The following CREB5 variants were observed in gnomAD, a reference collection of about 807,000 sequenced individuals.
CREB5 encodes the protein cAMP responsive element binding protein 5.
A neutral mutation model predicts 57.1 loss-of-function variants in CREB5; 19 were observed. That is an observed-to-expected ratio of 0.33 (90% CI 0.23 to 0.49). The LOEUF is 0.49. Ranked by LOEUF, CREB5 falls within the 20% of genes least tolerant of loss-of-function variation. CREB5 has a pLI of 0.99. For missense variants in CREB5, 579 were observed against 671.6 expected (o/e 0.86, Z 1.52); for synonymous variants, 238 against 238.3 (o/e 1.00, Z 0.01).
At chr7:28,339,857 T>C (rs1466220976) in intron 1 of CREB5, among the ~76,000 whole-genome samples, 1 of 152,166 alleles carries the variant, frequency 6.6e-6, no homozygotes, top group Non-Finnish European at 1.5e-5. Flanking sequence ...CAAGACAAAG[T>C]CCTTCCCACT....
chr7:28,698,246 T>A (rs748442847), intron 5 of CREB5, among the ~76,000 whole-genome samples: 2 of 151,622 alleles, frequency 1.3e-5, no homozygotes, highest in Non-Finnish European at 2.9e-5. Context: ...TAATAGTGAA[T>A]CTTTTTGACA....
In CREB5 at chr7:28,356,516, G is replaced by C. The variant is rs73293269; in HGVS notation, c.-25+57075G>C. 3.7e-3 allele frequency among the ~76,000 whole-genome samples: 568 copies of C among 152,248 alleles called. 3 individuals are homozygous for C. Among genetic ancestry groups the C allele is most frequent in the African/African-American group, 0.013 (537 of 41,548 alleles). ...GGCTGGCCCACAGATATAAACCCAC[G>C]GGCAGACCGATCAATAGGCTTTTGG... On this transcript the variant is annotated intron_variant, in intron 1 of 9. Coordinates refer to the CREB5 transcript ENST00000396299.
chr7:28,455,376 T>C (rs1227407893), intron 1 of CREB5, among the ~76,000 whole-genome samples: 2 of 152,188 alleles, frequency 1.3e-5, no homozygotes, highest in Non-Finnish European at 2.9e-5. Flanking sequence ...CTCAGAAATT[T>C]CCTCATGGTA....
chr7:28,631,522 T>C (rs1178221215), intron 5 of CREB5, among the ~76,000 whole-genome samples: 4 of 152,172 alleles, frequency 2.6e-5, no homozygotes, highest in Non-Finnish European at 4.4e-5. Flanking sequence ...GAGTACACAC[T>C]GCAGATGAAA....
intron 5 of CREB5, among the ~76,000 whole-genome samples, chr7:28,651,605 A>G (rs1583481704): frequency 1.3e-5 from 2 of 152,164 alleles, no homozygotes; most frequent in Non-Finnish European, 2.9e-5. Context: ...AGACTTCTGC[A>G]CCTTTCTATT....
chr7:28,333,841 G>A (rs1785761530), intron 1 of CREB5, among the ~76,000 whole-genome samples: 1 of 152,144 alleles, frequency 6.6e-6, no homozygotes, highest in African/African-American at 2.4e-5. Flanking sequence ...GTAATGAATA[G>A]TGCTGCAAGG....
At position 28,823,092 on chromosome 7, in the gene CREB5, G is replaced by T. The variant is rs542293229; in HGVS notation, c.*3813G>T. 1 of 152,720 alleles carries T rather than the reference G, an allele frequency of 6.5e-6. No homozygotes were observed. The highest frequency in any genetic ancestry group is 2.1e-4 in the South Asian group (1 of 4,828). 9.5% of individuals were successfully genotyped at this position (152,720 alleles called of 1,614,324 possible). On this transcript the variant is annotated 3_prime_UTR_variant, in exon 11 of 11. Coordinates refer to ENST00000357727, the MANE Select transcript of CREB5 (RefSeq NM_182898.4). Reference sequence around the variant, plus strand: ...TTGCCTGTTAAGTAAACTTTAGTGTGTAAGTTGAGTTTGTCATTAAAATCA... The same window carrying T: ...TTGCCTGTTAAGTAAACTTTAGTGTTTAAGTTGAGTTTGTCATTAAAATCA...
chr7:28,349,305 T>C (rs1786142322), intron 1 of CREB5, among the ~76,000 whole-genome samples: 2 of 152,228 alleles, frequency 1.3e-5, no homozygotes, highest in Admixed American at 1.3e-4. Context: ...CTTAATTTAC[T>C]CTTCATCTGA....
intron 1 of CREB5, among the ~76,000 whole-genome samples, chr7:28,400,471 G>A (rs974670067): frequency 9.2e-5 from 14 of 152,240 alleles, no homozygotes; most frequent in South Asian, 2.1e-4. Flanking sequence ...AGATGCTTTT[G>A]CTAAACAGCA....
At chr7:28,512,382 C>T (rs1191209932) in intron 4 of CREB5, among the ~76,000 whole-genome samples, 1 of 152,130 alleles carries the variant, frequency 6.6e-6, no homozygotes, top group Non-Finnish European at 1.5e-5. Context: ...ATTGCACTCC[C>T]CTCCGTGGTC....
At chr7:28,472,331 T>C (rs1790857704) in intron 1 of CREB5, among the ~76,000 whole-genome samples, 1 of 152,232 alleles carries the variant, frequency 6.6e-6, no homozygotes, top group Non-Finnish European at 1.5e-5. Flanking sequence ...AATTATTCTC[T>C]GCACTATATG....
intron 1 of CREB5, among the ~76,000 whole-genome samples, chr7:28,419,924 G>C (rs941827998): frequency 3.3e-5 from 5 of 152,222 alleles, no homozygotes; most frequent in Non-Finnish European, 7.3e-5. Context: ...GTTGTGCTGT[G>C]TTGACGTCAT....
intron 3 of CREB5, among the ~76,000 whole-genome samples, chr7:28,503,513 A>G (rs1792353392): frequency 6.6e-6 from 1 of 151,968 alleles, no homozygotes; most frequent in Admixed American, 6.6e-5. Context: ...TTATCCCTTT[A>G]TGCTTCTTTG....
chr7:28,417,640 G>A (rs1036748346), intron 1 of CREB5, among the ~76,000 whole-genome samples: 1 of 152,164 alleles, frequency 6.6e-6, no homozygotes, highest in African/African-American at 2.4e-5. Flanking sequence ...CTCCACAAGT[G>A]TTTCCAATGT....
intron 5 of CREB5, among the ~76,000 whole-genome samples, chr7:28,578,929 T>A (rs75487554): frequency 6.6e-6 from 1 of 152,148 alleles, no homozygotes; most frequent in South Asian, 2.1e-4. Flanking sequence ...AACATCCAAT[T>A]TGATCTCAAA....
At chr7:28,469,826 A>G (rs1790735591) in intron 1 of CREB5, among the ~76,000 whole-genome samples, 1 of 152,212 alleles carries the variant, frequency 6.6e-6, no homozygotes, top group Non-Finnish European at 1.5e-5. Flanking sequence ...AGAGAGGTTA[A>G]GTGATTTATC....
chr7:28,522,402 T>G lies in CREB5; in HGVS notation c.291+14665T>G, dbSNP rs1277751634. On this transcript the variant is annotated intron_variant, in intron 4 of 10. Transcript: ENST00000357727. ...TATCCTGCTCTTTGTTTTTTTTTTT[T>G]TTTTTTTTTCTGAGGTGGAGTCTCA... 8.7e-5 allele frequency among the ~76,000 whole-genome samples: 13 copies of G among 149,916 alleles called. No individual in the cohort carries two copies. The East Asian group carries it at 1.6e-3, about 18-fold the overall frequency.
At chr7:28,472,814 G>C (rs1312448987) in intron 1 of CREB5, among the ~76,000 whole-genome samples, 1 of 152,156 alleles carries the variant, frequency 6.6e-6, no homozygotes, top group East Asian at 1.9e-4. Flanking sequence ...TGTGCTCTGA[G>C]AATCAATCTT....
chr7:28,471,578 C>T (rs557607020), intron 1 of CREB5, among the ~76,000 whole-genome samples: 34 of 152,272 alleles, frequency 2.2e-4, no homozygotes, highest in Non-Finnish European at 4.3e-4. Flanking sequence ...TCACTACATG[C>T]TGCATTTAAT....
Sources: allele counts gnomAD v4.1 joint callset (sites outside exome capture counted in the v4.1 genomes callset), GRCh38; gene constraint gnomAD v4.1.1; transcripts MANE v1.5; gene names NCBI Gene and HGNC (gene_info 2026-07-23, HGNC 2026-07-21).